The following CSNK1G1 variants were observed in gnomAD, a reference collection of about 807,000 sequenced individuals.
CSNK1G1 encodes the protein casein kinase I isoform gamma-1.
A neutral mutation model predicts 59.6 loss-of-function variants in CSNK1G1; 22 were observed. The ratio of observed to expected loss-of-function variants is 0.37; its 90% CI spans 0.26 to 0.53. CSNK1G1 has a LOEUF of 0.53. CSNK1G1 is among the 20% of genes least tolerant of loss of function. CSNK1G1 has a pLI of 0.89. For missense variants in CSNK1G1, 384 were observed against 519.5 expected, an observed-to-expected ratio of 0.74 and a Z score of 2.54; for synonymous variants, 179 against 177.1, an observed-to-expected ratio of 1.01 and a Z score of -0.08.
Position 64,243,596 on chromosome 15 carries a change from G to C in CSNK1G1, c.292+7916C>G, listed in dbSNP as rs1341850680. On this transcript the variant is annotated intron_variant, in intron 4 of 11. Coordinates refer to ENST00000303052, the MANE Select transcript of CSNK1G1 (RefSeq NM_022048.5). The stretch of plus-strand genomic sequence containing the variant: ...TAAAGGGCATCCAAATTGAAAAGGA[G>C]GAAGTCGAATTGTCCCTATATGCAA... Among the ~76,000 whole-genome samples, 7 of 152,108 alleles carry C rather than the reference G, an allele frequency of 4.6e-5. No individual in the cohort carries two copies. In the East Asian group the frequency reaches 1.3e-3, roughly 29 times the overall value.
rs1312242974 is a variant in CSNK1G1, at chr15:64,166,109, C to T, written c.*5822G>A. ...AAAAAAAAAAAAGTAAAAAAAGAGG[C>T]ATTTAACAATAATCAGACACATCCA... is the stretch of plus-strand genomic sequence containing the variant. On this transcript the variant is annotated 3_prime_UTR_variant, in exon 12 of 12. Coordinates refer to ENST00000303052, the MANE Select transcript of CSNK1G1 (RefSeq NM_022048.5). This position sits in a 1 kb window ranked among gnomAD's most constrained non-coding sequence, Gnocchi z 4.5. 5.0e-6 allele frequency: 3 copies of T among 601,386 alleles called. No homozygotes were observed. Among genetic ancestry groups the T allele is most frequent in the South Asian group, 4.0e-5 (2 of 50,102 alleles). 37.3% of individuals were successfully genotyped at this position (601,386 alleles called of 1,614,324 possible).
intron 2 of CSNK1G1, among the ~76,000 whole-genome samples, chr15:64,288,848 G>A (rs1894574322): frequency 6.6e-6 from 1 of 151,898 alleles, no homozygotes; most frequent in African/African-American, 2.4e-5. Context: ...ATAAACTTCT[G>A]TTGCCCATAA....
At chr15:64,319,722 GT>G (rs751978136) in intron 1 of CSNK1G1, among the ~76,000 whole-genome samples, 1 of 151,842 alleles carries the variant, frequency 6.6e-6, no homozygotes, top group African/African-American at 2.4e-5. Flanking sequence ...TTTTGTGTGT[GT>G]GTGTTTTAGT....
At chr15:64,173,391 G>A (rs1307313224) in intron 11 of CSNK1G1, among the ~76,000 whole-genome samples, 3 of 152,194 alleles carry the variant, frequency 2.0e-5, no homozygotes, top group Admixed American at 2.0e-4. Context: ...ACTTTCTTAA[G>A]AGGGTCTTTG....
In CSNK1G1 at chr15:64,165,865, T is replaced by A. The variant is rs2081596958; in HGVS notation, c.*6066A>T. The A allele has an allele frequency of 6.6e-6, 3 of 454,478 alleles. No individual in the cohort carries two copies. Among genetic ancestry groups the A allele is most frequent in the African/African-American group, 6.1e-5 (3 of 49,434 alleles). 28.2% of individuals were successfully genotyped at this position (454,478 alleles called of 1,614,324 possible). A position where few individuals can be genotyped will look rare whatever the true frequency, so the allele number is the denominator to read the frequency against. ...TTCCATGGTGCCCTAGGAAATGGGCTACTCTGAGATCACATATCAGAACCC... is the reference window on the plus strand; with the variant it reads ...TTCCATGGTGCCCTAGGAAATGGGCAACTCTGAGATCACATATCAGAACCC... On this transcript the variant is annotated 3_prime_UTR_variant, in exon 12 of 12. Coordinates refer to ENST00000303052, the MANE Select transcript of CSNK1G1 (RefSeq NM_022048.5).
chr15:64,181,965 G>A (rs987221124), intron 10 of CSNK1G1: 1 of 152,026 alleles, frequency 6.6e-6, no homozygotes, highest in African/African-American at 2.4e-5. Context: ...GTAGCCTTTG[G>A]GACAGATAGG....
At chr15:64,297,169 A>G (rs1895071013) in intron 2 of CSNK1G1, among the ~76,000 whole-genome samples, 1 of 152,024 alleles carries the variant, frequency 6.6e-6, no homozygotes. Flanking sequence ...AGGGAAACAT[A>G]CATATGGTCA....
intron 2 of CSNK1G1, among the ~76,000 whole-genome samples, chr15:64,268,136 A>G (rs1596189013): frequency 6.6e-6 from 1 of 152,198 alleles, no homozygotes; most frequent in Non-Finnish European, 1.5e-5. Context: ...TATACAATAG[A>G]ATACTATTCA....
At chr15:64,229,902 ATTTTTTTTTTTTT>A (rs533868270) in intron 4 of CSNK1G1, among the ~76,000 whole-genome samples, 149 of 43,806 alleles carry the variant, frequency 3.4e-3, no homozygotes, top group Middle Eastern at 0.029. Flanking sequence ...ATGTTTGTAA[ATTTTTTTTTTTTT>A]TTTTTTTTTT....
chr15:64,224,829 C>T (rs28550147), intron 4 of CSNK1G1, among the ~76,000 whole-genome samples: 32,650 of 151,878 alleles, frequency 0.21, 5,251 homozygotes, highest in African/African-American at 0.46. Context: ...TTCACATTTC[C>T]GAGCCACAGA....
chr15:64,267,205 C>A (rs1169191231), intron 2 of CSNK1G1, among the ~76,000 whole-genome samples: 2 of 141,770 alleles, frequency 1.4e-5, no homozygotes, highest in Non-Finnish European at 3.0e-5. Flanking sequence ...TGAAGTGAGC[C>A]AAGACTGTGC....
chr15:64,269,900 C>T (rs748535415), intron 2 of CSNK1G1, among the ~76,000 whole-genome samples: 67 of 152,026 alleles, frequency 4.4e-4, no homozygotes, highest in Non-Finnish European at 5.9e-4. Context: ...ACCTCCCAGG[C>T]TCAAGTGATT....
At chr15:64,317,333 C>A (rs1269014425) in intron 1 of CSNK1G1, among the ~76,000 whole-genome samples, 1 of 152,050 alleles carries the variant, frequency 6.6e-6, no homozygotes, top group Non-Finnish European at 1.5e-5. Flanking sequence ...AGGTGATCCG[C>A]CAGCCTTGGC....
At chr15:64,260,900 GAAT>G (rs747430906) in intron 2 of CSNK1G1, among the ~76,000 whole-genome samples, 101 of 152,060 alleles carry the variant, frequency 6.6e-4, no homozygotes, top group Non-Finnish European at 9.1e-4. Context: ...ACTAATTTAG[GAAT>G]AATTTTTGTC....
At chr15:64,183,597 A>G (rs966544622) in intron 10 of CSNK1G1, among the ~76,000 whole-genome samples, 7 of 152,216 alleles carry the variant, frequency 4.6e-5, no homozygotes, top group African/African-American at 1.7e-4. Context: ...AGACAAGGCA[A>G]ATGACCATGA....
At chr15:64,326,989 G>T (rs1272218125) in intron 1 of CSNK1G1, among the ~76,000 whole-genome samples, 1 of 151,302 alleles carries the variant, frequency 6.6e-6, no homozygotes, top group Non-Finnish European at 1.5e-5. Context: ...GGCGCACCAC[G>T]AGACTATATC....
At chr15:64,255,418 A>G (rs1892323682) in intron 3 of CSNK1G1, among the ~76,000 whole-genome samples, 1 of 152,182 alleles carries the variant, frequency 6.6e-6, no homozygotes, top group African/African-American at 2.4e-5. Flanking sequence ...AGGAGATTCC[A>G]TAACTTCCCT....
rs143124833 is a variant in CSNK1G1 at position 64,258,146 on chromosome 15, G to A, written c.222+1055C>T. ...TTAGAAAATAACAATGCCAGGCGTG[G>A]TGGCTCACGCCTGTAATCCCAGCAC... On this transcript the variant is annotated intron_variant, in intron 3 of 11. Coordinates refer to ENST00000303052, the MANE Select transcript of CSNK1G1 (RefSeq NM_022048.5). Among the ~76,000 whole-genome samples, 776 of 152,246 alleles carry A rather than the reference G, an allele frequency of 5.1e-3. 10 individuals are homozygous for A. The highest frequency in any genetic ancestry group is 0.017 in the African/African-American group (720 of 41,560).
chr15:64,303,859 G>A (rs1019569578), intron 1 of CSNK1G1, among the ~76,000 whole-genome samples: 1 of 149,220 alleles, frequency 6.7e-6, no homozygotes, highest in African/African-American at 2.5e-5. Flanking sequence ...GTTCAAGGAC[G>A]CAGTGAGCCA....
Sources: allele counts gnomAD v4.1 joint callset (sites outside exome capture counted in the v4.1 genomes callset), GRCh38; gene constraint gnomAD v4.1.1; non-coding constraint Gnocchi (gnomAD v3.1); transcripts MANE v1.5; gene names NCBI Gene and HGNC (gene_info 2026-07-23, HGNC 2026-07-21).